The following MAGEL2 variants were observed in gnomAD, a reference collection of about 807,000 sequenced individuals.
MAGEL2 encodes the protein MAGE-like protein 2.
For missense variants in MAGEL2, 1,830 were observed against 1,699.2 expected (o/e 1.08, Z -1.35); for synonymous variants, 792 against 721.7 (o/e 1.10, Z -1.56).
Position 23,643,916 on chromosome 15 carries a change from A to G in MAGEL2, c.*77T>C. 7.0e-7 allele frequency: 1 copy of G among 1,431,528 alleles called. No individual in the cohort carries two copies. The highest frequency in any genetic ancestry group is 9.2e-7 in the Non-Finnish European group (1 of 1,084,594). 88.7% of individuals were successfully genotyped at this position (1,431,528 alleles called of 1,614,324 possible). ...CTCGTGGAACTGGAACACAAACACC[A>G]GGAACAAAAATGTCCCCCCACCCTG... On this transcript the variant is annotated 3_prime_UTR_variant, in exon 1 of 1. Transcript: ENST00000650528.
rs770776908 is a variant in MAGEL2 at position 23,643,993 on chromosome 15, T to G, written c.3750A>C (p.Ter1250TyrextTer1). ...HGPTSRPPPR[*>Y] ...AGGAGCGAGATCTCTGCTACACCTA[T>G]TAGCGGGGAGGGGGCCTGCTGGTGG... is the stretch of plus-strand genomic sequence containing the variant. Residue 1250 changes from the stop codon to tyrosine (Y), a stop_lost, in exon 1 of 1, where the codon TAA becomes TAC. Transcript: ENST00000650528. 6.3e-7 allele frequency: 1 copy of G among 1,588,400 alleles called. No individual in the cohort carries two copies. The highest frequency in any genetic ancestry group is 1.1e-5 in the South Asian group (1 of 87,124).
In MAGEL2 at chr15:23,647,459, A is replaced by G. The variant is rs941262401; in HGVS notation, c.284T>C (p.Leu95Pro). Residue 95 changes from leucine (L) to proline (P), a missense_variant, in exon 1 of 1, where the codon CTG becomes CCG. Coordinates refer to ENST00000650528, the MANE Select transcript of MAGEL2 (RefSeq NM_019066.5). ...CGGAGGCTTACCCATCGGGCCCCCCAGCGGGGGAGCCGGGACTATCGGGCC... is the reference window on the plus strand; with the variant it reads ...CGGAGGCTTACCCATCGGGCCCCCCGGCGGGGGAGCCGGGACTATCGGGCC... ...LGGPIVPAPP[L>P]GGPMGKPPTP... 1.3e-6 allele frequency: 2 copies of G among 1,534,278 alleles called. No homozygotes were observed. Among genetic ancestry groups the G allele is most frequent in the Non-Finnish European group, 1.7e-6 (2 of 1,146,156 alleles).
In MAGEL2 at chr15:23,646,554, G is replaced by T. The variant is rs1180845229; in HGVS notation, c.1189C>A (p.Gln397Lys). The T allele has an allele frequency of 4.7e-6, 7 of 1,474,642 alleles. No homozygotes were observed. The East Asian group carries it at 1.5e-4, about 31-fold the overall frequency. The allele number at this position is 1,474,642 out of a possible 1,614,324, so 91.3% of individuals were successfully genotyped here. The change falls in exon 1 of 1, where the codon CAG (glutamine) becomes AAG (lysine). Residue 397 changes from glutamine to lysine, a missense_variant. Physicochemically the swap from Gln to Lys is moderately conservative, Grantham distance 53 (BLOSUM62 1). Transcript: ENST00000650528. This position sits in a 1 kb window ranked among gnomAD's most constrained non-coding sequence, Gnocchi z 4.2. ...LTWQTTQVTW[Q>K]APAVTWQVPP... ...ACCTGCCAGGTAACGGCTGGTGCCT[G>T]CCAGGTGACCTGCGTGGTCTGCCAA...
rs1449791507 is a variant in MAGEL2 at position 23,644,046 on chromosome 15, G to A, written c.3697C>T (p.Pro1233Ser). ...CEWEDTDEDE[P>S]DTGDSAHGPT... ...CCGTGGGCACTGTCACCGGTGTCAGGTTCATCCTCATCTGTGTCTTCCCAC... is the reference window on the plus strand; with the variant it reads ...CCGTGGGCACTGTCACCGGTGTCAGATTCATCCTCATCTGTGTCTTCCCAC... The change falls in exon 1 of 1, where the codon CCT becomes TCT. Residue 1233 changes from proline (P) to serine (S), a missense_variant. By Grantham distance (74) the Pro-to-Ser change is moderately conservative. Transcript: ENST00000650528. 2 of 1,613,108 alleles carry A rather than the reference G, an allele frequency of 1.2e-6. No homozygotes were observed. The highest frequency in any genetic ancestry group is 1.3e-5 in the African/African-American group (1 of 75,006).
Position 23,646,823 on chromosome 15 carries a change from G to C in MAGEL2, c.920C>G (p.Pro307Arg), listed in dbSNP as rs1018215911. The C allele has an allele frequency of 2.6e-6, 4 of 1,536,352 alleles. No individual in the cohort carries two copies. The highest frequency in any genetic ancestry group is 2.0e-5 in the Admixed American group (1 of 51,004). Residue 307 changes from proline to arginine, a missense_variant, in exon 1 of 1, where the codon CCG (proline) becomes CGG (arginine). Coordinates refer to ENST00000650528, the MANE Select transcript of MAGEL2 (RefSeq NM_019066.5). The surrounding 1 kb of genome is among the most constrained non-coding windows in gnomAD (Gnocchi z 4.2). ...PMTQPPASGA[P>R]MAQPAAPPAQ... ...AGGTGGGGCCGCCGGCTGTGCCATC[G>C]GTGCTCCTGAAGCTGGAGGCTGGGT...
chr15:23,647,408 G>A lies in MAGEL2; in HGVS notation c.335C>T (p.Pro112Leu). The change falls in exon 1 of 1, where the codon CCT (proline) becomes CTT (leucine). Residue 112 changes from proline (P) to leucine (L), a missense_variant. Coordinates refer to ENST00000650528, the MANE Select transcript of MAGEL2 (RefSeq NM_019066.5). ...GGCCATCGGGGCTCCCGGAGGTGGA[G>A]GATGCACCATCAGGACCCCGGGAGT... Reference protein sequence around the residue: ...PPTPGVLMVHPPPPGAPMAQP... With the variant: ...PPTPGVLMVHLPPPGAPMAQP... 1.3e-6 allele frequency: 2 copies of A among 1,536,626 alleles called. No homozygotes were observed. The highest frequency in any genetic ancestry group is 1.7e-6 in the Non-Finnish European group (2 of 1,146,852).
chr15:23,646,543 G>C lies in MAGEL2; in HGVS notation c.1200C>G (p.Ala400=). The C allele has an allele frequency of 6.8e-7, 1 of 1,475,142 alleles. No homozygotes were observed. The highest frequency in any genetic ancestry group is 8.9e-7 in the Non-Finnish European group (1 of 1,119,380). The allele number at this position is 1,475,142 out of a possible 1,614,324, so 91.4% of individuals were successfully genotyped here. A position where few individuals can be genotyped will look rare whatever the true frequency, so the allele number is the denominator to read the frequency against. ...TGGGCGGCGGCACCTGCCAGGTAAC[G>C]GCTGGTGCCTGCCAGGTGACCTGCG... ...QTTQVTWQAP[A]VTWQVPPPMR... The change falls in exon 1 of 1, where the codon GCC becomes GCG. Residue 400 remains alanine (A), a synonymous_variant. Coordinates refer to ENST00000650528, the MANE Select transcript of MAGEL2 (RefSeq NM_019066.5). The surrounding 1 kb of genome is among the most constrained non-coding windows in gnomAD (Gnocchi z 4.2).
chr15:23,646,514 C>T lies in MAGEL2; in HGVS notation c.1229G>A (p.Arg410His). ...AGGGCGGATGGGCGGGGGCCCCTGG[C>T]GCATGGGCGGCGGCACCTGCCAGGT... ...AVTWQVPPPM[R>H]QGPPPIRPGP... Residue 410 changes from arginine to histidine, a missense_variant, in exon 1 of 1, where the codon CGC (arginine) becomes CAC (histidine). Arg to His is a conservative substitution (Grantham distance 29). Transcript: ENST00000650528. The surrounding 1 kb of genome is among the most constrained non-coding windows in gnomAD (Gnocchi z 4.2). The T allele has an allele frequency of 2.0e-6, 3 of 1,464,580 alleles. No individual in the cohort carries two copies. The highest frequency in any genetic ancestry group is 1.8e-6 in the Non-Finnish European group (2 of 1,115,672). 90.7% of individuals were successfully genotyped at this position (1,464,580 alleles called of 1,614,324 possible).
At position 23,647,479 on chromosome 15, in the gene MAGEL2, C is replaced by T; in HGVS notation, c.264G>A (p.Pro88=). The change falls in exon 1 of 1, where the codon CCG becomes CCA. Residue 88 remains proline (P), a synonymous_variant. Coordinates refer to ENST00000650528, the MANE Select transcript of MAGEL2 (RefSeq NM_019066.5). ...CCCCCAGCGGGGGAGCCGGGACTAT[C>T]GGGCCCCCTAGGGCAGGAGGCTGGG... ...PMTQPPALGG[P]IVPAPPLGGP... The T allele has an allele frequency of 2.0e-6, 3 of 1,533,128 alleles. No homozygotes were observed. Among genetic ancestry groups the T allele is most frequent in the Middle Eastern group, 1.7e-4 (1 of 5,924 alleles). The allele number at this position is 1,533,128 out of a possible 1,614,324, so 95.0% of individuals were successfully genotyped here.
chr15:23,643,954 G>GGTC lies in MAGEL2; in HGVS notation c.*38_*39insGAC. On this transcript the variant is annotated 3_prime_UTR_variant, in exon 1 of 1. Transcript: ENST00000650528. ...TCCCCCCACCCTGTCAGTGGCCTCT[G>GGTC]GCCAGGGAAACACAGGAGCGAGATC... The GGTC allele has an allele frequency of 6.6e-7, 1 of 1,511,238 alleles. No individual in the cohort carries two copies. The highest frequency in any genetic ancestry group is 2.2e-5 in the Admixed American group (1 of 45,694). 93.6% of individuals were successfully genotyped at this position (1,511,238 alleles called of 1,614,324 possible). A position where few individuals can be genotyped will look rare whatever the true frequency, so the allele number is the denominator to read the frequency against.
In MAGEL2 at chr15:23,644,278, C is replaced by G; in HGVS notation, c.3465G>C (p.Lys1155Asn). Residue 1155 changes from lysine to asparagine, a missense_variant, in exon 1 of 1, where the codon AAG becomes AAC. Transcript: ENST00000650528. Reference protein sequence around the residue: ...ETNGLFGNTKKLITEVFVRQK... With the variant: ...ETNGLFGNTKNLITEVFVRQK... Reference sequence around the variant, plus strand: ...GCCTGACAAACACTTCGGTGATGAGCTTCTTAGTATTTCCAAAGAGACCGT... The same window carrying G: ...GCCTGACAAACACTTCGGTGATGAGGTTCTTAGTATTTCCAAAGAGACCGT... The G allele has an allele frequency of 1.9e-6, 3 of 1,613,702 alleles. No homozygotes were observed. The highest frequency in any genetic ancestry group is 2.2e-5 in the East Asian group (1 of 44,880).
Position 23,647,436 on chromosome 15 carries a change from G to A in MAGEL2, c.307C>T (p.Pro103Ser). The A allele has an allele frequency of 6.5e-7, 1 of 1,535,922 alleles. No homozygotes were observed. Among genetic ancestry groups the A allele is most frequent in the Non-Finnish European group, 8.7e-7 (1 of 1,146,732 alleles). ...PPLGGPMGKP[P>S]TPGVLMVHPP... is the part of the protein sequence containing the mutation. The stretch of plus-strand genomic sequence containing the variant: ...TGCACCATCAGGACCCCGGGAGTCG[G>A]AGGCTTACCCATCGGGCCCCCCAGC... The change falls in exon 1 of 1, where the codon CCG (proline) becomes TCG (serine). Residue 103 changes from proline to serine, a missense_variant. Coordinates refer to ENST00000650528, the MANE Select transcript of MAGEL2 (RefSeq NM_019066.5).
Position 23,647,303 on chromosome 15 carries a change from G to T in MAGEL2, c.440C>A (p.Thr147Asn), listed in dbSNP as rs1314014519. 2.0e-6 allele frequency: 3 copies of T among 1,535,978 alleles called. No homozygotes were observed. Among genetic ancestry groups the T allele is most frequent in the South Asian group, 2.4e-5 (2 of 83,964 alleles). ...APMAHPPPPG[T>N]PMSHPPPPGT... ...CGGAGGGGGAGGGTGGGACATTGGG[G>T]TCCCCGGAGGAGGAGGATGGGCCAT... The change falls in exon 1 of 1, where the codon ACC becomes AAC. Residue 147 changes from threonine (T) to asparagine (N), a missense_variant. Coordinates refer to ENST00000650528, the MANE Select transcript of MAGEL2 (RefSeq NM_019066.5).
rs1171995841 is a variant in MAGEL2, at chr15:23,646,913, G to T, written c.830C>A (p.Pro277Gln). Residue 277 changes from proline to glutamine, a missense_variant, in exon 1 of 1, where the codon CCG becomes CAG. By Grantham distance (76) the Pro-to-Gln change is moderately conservative. Coordinates refer to ENST00000650528, the MANE Select transcript of MAGEL2 (RefSeq NM_019066.5). The surrounding 1 kb of genome is among the most constrained non-coding windows in gnomAD (Gnocchi z 4.2). Reference protein sequence around the residue: ...MMTQPQPSGAPMAKPPGPGVL... With the variant: ...MMTQPQPSGAQMAKPPGPGVL... ...TCCTGGACCTGGAGGCTTGGCCATC[G>T]GTGCTCCTGAAGGCTGAGGCTGGGT... is the stretch of plus-strand genomic sequence containing the variant. 2.3e-5 allele frequency: 35 copies of T among 1,536,906 alleles called. No individual in the cohort carries two copies. The highest frequency in any genetic ancestry group is 3.0e-5 in the Non-Finnish European group (34 of 1,146,892).
In MAGEL2 at chr15:23,644,532, A is replaced by T; in HGVS notation, c.3211T>A (p.Cys1071Ser). 4 of 1,613,392 alleles carry T rather than the reference A, an allele frequency of 2.5e-6. No homozygotes were observed. The highest frequency in any genetic ancestry group is 3.4e-6 in the Non-Finnish European group (4 of 1,179,824). The change falls in exon 1 of 1, where the codon TGT (cysteine) becomes AGT (serine). Residue 1071 changes from cysteine to serine, a missense_variant. Cys to Ser is a moderately radical substitution (Grantham distance 112). Transcript: ENST00000650528. ...IINRANNKLE[C>S]AFGYQLKEID... Reference sequence around the variant, plus strand: ...TCTTTCAATTGATAACCAAAGGCACACTCCAGCTTATTGTTGGCACGGTTG... The same window carrying T: ...TCTTTCAATTGATAACCAAAGGCACTCTCCAGCTTATTGTTGGCACGGTTG...
chr15:23,644,445 A>G lies in MAGEL2; in HGVS notation c.3298T>C (p.Leu1100=). The change falls in exon 1 of 1, where the codon TTG becomes CTG. Residue 1100 remains leucine, a synonymous_variant. Coordinates refer to ENST00000650528, the MANE Select transcript of MAGEL2 (RefSeq NM_019066.5). The part of the protein sequence containing the change: ...INKLGYHTGN[L]VASYLDRPKF... ...GGCCTGTCTAAATAGGATGCCACCA[A>G]ATTCCCTGTATGGTAGCCCAGCTTG... The G allele has an allele frequency of 6.2e-7, 1 of 1,613,894 alleles. No homozygotes were observed. Among genetic ancestry groups the G allele is most frequent in the South Asian group, 1.1e-5 (1 of 91,064 alleles).
Position 23,644,572 on chromosome 15 carries a change from C to T in MAGEL2, c.3171G>A (p.Glu1057=), listed in dbSNP as rs1890348096. 2 of 1,613,800 alleles carry T rather than the reference C, an allele frequency of 1.2e-6. No homozygotes were observed. Among genetic ancestry groups the T allele is most frequent in the Non-Finnish European group, 1.7e-6 (2 of 1,179,884 alleles). The part of the protein sequence containing the change: ...VKVILREYKD[E]CLDIINRANN... ...TGGCACGGTTGATGATATCTAAGCACTCATCTTTATACTCTCGGAGGATGA... is the reference window on the plus strand; with the variant it reads ...TGGCACGGTTGATGATATCTAAGCATTCATCTTTATACTCTCGGAGGATGA... Residue 1057 remains glutamate (E), a synonymous_variant, in exon 1 of 1, where the codon GAG becomes GAA. Coordinates refer to ENST00000650528, the MANE Select transcript of MAGEL2 (RefSeq NM_019066.5).
Position 23,646,428 on chromosome 15 carries a change from G to C in MAGEL2, c.1315C>G (p.Gln439Glu). Residue 439 changes from glutamine (Q) to glutamate (E), a missense_variant, in exon 1 of 1, where the codon CAG becomes GAG. Physicochemically the swap from Gln to Glu is conservative, Grantham distance 29. Transcript: ENST00000650528. The surrounding 1 kb of genome is among the most constrained non-coding windows in gnomAD (Gnocchi z 4.2). ...GCCTGGCGGATCACCGGTGGGGCCT[G>C]GCGGATCAGCGGTGGGGCCTGTCGC... is the stretch of plus-strand genomic sequence containing the variant. ...PVRQAPPLIR[Q>E]APPVIRQAPP... 1 of 1,415,422 alleles carries C rather than the reference G, an allele frequency of 7.1e-7. No homozygotes were observed. The highest frequency in any genetic ancestry group is 9.1e-7 in the Non-Finnish European group (1 of 1,095,428). 87.7% of individuals were successfully genotyped at this position (1,415,422 alleles called of 1,614,324 possible).
rs1460068607 is a variant in MAGEL2 at position 23,647,282 on chromosome 15, G to C, written c.461C>G (p.Pro154Arg). Reference sequence around the variant, plus strand: ...AGGATGGGCCATTGGGGTCCCCGGAGGGGGAGGGTGGGACATTGGGGTCCC... The same window carrying C: ...AGGATGGGCCATTGGGGTCCCCGGACGGGGAGGGTGGGACATTGGGGTCCC... ...PPGTPMSHPP[P>R]PGTPMAHPPP... Residue 154 changes from proline (P) to arginine (R), a missense_variant, in exon 1 of 1, where the codon CCT (proline) becomes CGT (arginine). Physicochemically the swap from Pro to Arg is moderately radical, Grantham distance 103. Coordinates refer to ENST00000650528, the MANE Select transcript of MAGEL2 (RefSeq NM_019066.5). 2.7e-5 allele frequency: 41 copies of C among 1,535,072 alleles called. No individual in the cohort carries two copies. The East Asian group carries it at 1.0e-3, about 38-fold the overall frequency.
Sources: gnomAD v4.1 joint callset for allele counts on GRCh38, gnomAD v4.1.1 for gene constraint, Gnocchi (gnomAD v3.1) non-coding constraint, MANE v1.5 for transcripts, NCBI Gene and HGNC (gene_info 2026-07-23, HGNC 2026-07-21) for gene names.